RBMS1: variants seen among roughly 807,000 people sequenced by gnomAD.
RBMS1 encodes the protein RNA-binding motif, single-stranded-interacting protein 1.
A neutral mutation model predicts 62.3 loss-of-function variants in RBMS1; 17 were observed. The ratio of observed to expected loss-of-function variants is 0.27; its 90% CI spans 0.19 to 0.41. The LOEUF is 0.41. RBMS1 is among the 10% of genes least tolerant of loss of function. The pLI is 1.00. For missense variants in RBMS1, 334 were observed against 504.5 expected, an observed-to-expected ratio of 0.66 and a Z score of 3.24; for synonymous variants, 172 against 170.0, an observed-to-expected ratio of 1.01 and a Z score of -0.09.
intron 1 of RBMS1, among the ~76,000 whole-genome samples, chr2:160,415,010 A>G (rs1013975044): frequency 6.6e-6 from 1 of 152,188 alleles, no homozygotes; most frequent in Non-Finnish European, 1.5e-5. Flanking sequence ...CAAAATAAGT[A>G]AACTATTTGG....
intron 4 of RBMS1, 63 bp from the exon 5 acceptor site, chr2:160,303,550 C>A: frequency 6.7e-7 from 1 of 1,501,698 alleles, no homozygotes; most frequent in Non-Finnish European, 9.0e-7. Flanking sequence ...TATGTTAACA[C>A]ACCTATTTTT....
chr2:160,485,540 C>A (rs1319419622), intron 1 of RBMS1, among the ~76,000 whole-genome samples: 1 of 152,122 alleles, frequency 6.6e-6, no homozygotes, highest in African/African-American at 2.4e-5. Context: ...TTAAGGATAA[C>A]TATTTATTTA....
At chr2:160,307,207 T>G (rs946627063) in intron 4 of RBMS1, among the ~76,000 whole-genome samples, 5 of 152,120 alleles carry the variant, frequency 3.3e-5, no homozygotes, top group Non-Finnish European at 7.4e-5. Flanking sequence ...GACTTGGCAG[T>G]AAGAGCAGAC....
At chr2:160,412,958 A>G (rs1696089335) in intron 1 of RBMS1, among the ~76,000 whole-genome samples, 1 of 152,260 alleles carries the variant, frequency 6.6e-6, no homozygotes, top group Non-Finnish European at 1.5e-5. Flanking sequence ...TAAAAGAGTA[A>G]GCTTTGAATG....
intron 2 of RBMS1, among the ~76,000 whole-genome samples, chr2:160,346,863 T>C (rs1461899360): frequency 2.0e-5 from 3 of 152,120 alleles, no homozygotes; most frequent in Admixed American, 2.0e-4. Flanking sequence ...GAAAACCTTA[T>C]TTTTCATTTG....
chr2:160,327,351 C>A (rs1409485621), intron 2 of RBMS1, among the ~76,000 whole-genome samples: 1 of 152,148 alleles, frequency 6.6e-6, no homozygotes, highest in African/African-American at 2.4e-5. Flanking sequence ...ACAATTGATG[C>A]TGTTTACTGT....
intron 2 of RBMS1, among the ~76,000 whole-genome samples, chr2:160,359,911 C>T (rs1456491528): frequency 6.6e-6 from 1 of 152,064 alleles, no homozygotes; most frequent in East Asian, 1.9e-4. Flanking sequence ...TGTCCTTCTC[C>T]TGTTAGTTGC....
At chr2:160,369,165 A>C (rs1260025511) in intron 1 of RBMS1, among the ~76,000 whole-genome samples, 1 of 152,230 alleles carries the variant, frequency 6.6e-6, no homozygotes, top group Non-Finnish European at 1.5e-5. Flanking sequence ...GCTTAATCCC[A>C]AAATAAAAGC....
intron 1 of RBMS1, among the ~76,000 whole-genome samples, chr2:160,415,755 C>T (rs1696186236): frequency 1.3e-5 from 2 of 152,076 alleles, no homozygotes; most frequent in African/African-American, 4.8e-5. Flanking sequence ...GGTTTTAAAG[C>T]ATTCAATACA....
chr2:160,313,013 C>A, intron 4 of RBMS1, 143 bp downstream of exon 4: 2 of 619,764 alleles, frequency 3.2e-6, no homozygotes, highest in African/African-American at 1.8e-5. Flanking sequence ...GTGGAGGCTG[C>A]GGAGGCACAG....
intron 7 of RBMS1, among the ~76,000 whole-genome samples, chr2:160,286,194 G>A (rs941329783): frequency 4.7e-5 from 7 of 150,358 alleles, no homozygotes; most frequent in Non-Finnish European, 1.0e-4. Flanking sequence ...CAGCTACATA[G>A]GAGGCTGAGG....
intron 1 of RBMS1, among the ~76,000 whole-genome samples, chr2:160,408,791 T>C (rs1695906462): frequency 6.6e-6 from 1 of 152,162 alleles, no homozygotes; most frequent in South Asian, 2.1e-4. Flanking sequence ...ACCTGTGCAG[T>C]GCAGAAGGCC....
chr2:160,334,476 G>A (rs1045524917), intron 2 of RBMS1, among the ~76,000 whole-genome samples: 8 of 152,134 alleles, frequency 5.3e-5, no homozygotes, highest in African/African-American at 1.7e-4. Flanking sequence ...TAAGGCAGAG[G>A]GGACAAATGA....
intron 2 of RBMS1, among the ~76,000 whole-genome samples, chr2:160,327,231 C>G (rs1462725512): frequency 1.3e-5 from 2 of 152,228 alleles, no homozygotes; most frequent in African/African-American, 4.8e-5. Context: ...CTGGTCATCT[C>G]TACCCAGATT....
intron 1 of RBMS1, among the ~76,000 whole-genome samples, chr2:160,371,084 C>G (rs1415266638): frequency 2.0e-5 from 3 of 152,160 alleles, no homozygotes; most frequent in African/African-American, 7.2e-5. Flanking sequence ...TGACTTAAAA[C>G]AGTGAAAAAT....
At chr2:160,443,449 C>T (rs1039088178) in intron 1 of RBMS1, among the ~76,000 whole-genome samples, 2 of 152,114 alleles carry the variant, frequency 1.3e-5, no homozygotes, top group African/African-American at 4.8e-5. Context: ...GTGTTTGGAT[C>T]GTGGGGGTGG....
In RBMS1 at chr2:160,421,997, G is replaced by C. The variant is rs558912294; in HGVS notation, c.76-54606C>G. On this transcript the variant is annotated intron_variant, in intron 1 of 13. Coordinates refer to ENST00000348849, the MANE Select transcript of RBMS1 (RefSeq NM_016836.4). ...ATTTATAGTAATGAGTAGCGGGCAA[G>C]GAATGGGCTTTCAAGAAGAACTACT... Among the ~76,000 whole-genome samples, 6 of 152,308 alleles carry C rather than the reference G, an allele frequency of 3.9e-5. No individual in the cohort carries two copies. In the East Asian group the frequency reaches 9.6e-4, roughly 24 times the overall value.
intron 1 of RBMS1, among the ~76,000 whole-genome samples, chr2:160,418,887 T>G (rs1437691301): frequency 6.6e-6 from 1 of 152,190 alleles, no homozygotes; most frequent in Admixed American, 6.5e-5. Context: ...ACACAGGGCT[T>G]GGCACATATT....
chr2:160,475,538 G>A (rs980148836), intron 1 of RBMS1, among the ~76,000 whole-genome samples: 65 of 152,200 alleles, frequency 4.3e-4, no homozygotes, highest in African/African-American at 1.5e-3. Flanking sequence ...AAAAGCACTC[G>A]TATTTTGCTG....
Sources: gnomAD v4.1 joint callset for allele counts (sites outside exome capture counted in the v4.1 genomes callset) on GRCh38, gnomAD v4.1.1 for gene constraint, MANE v1.5 for transcripts, NCBI Gene and HGNC (gene_info 2026-07-23, HGNC 2026-07-21) for gene names.